The following PTGER4 variants were observed in gnomAD, a reference collection of about 807,000 sequenced individuals.
The protein encoded by PTGER4 is prostaglandin E2 receptor EP4 subtype.
PTGER4 carries 11 observed loss-of-function variants against 33.2 expected under a neutral mutation model. That is an observed-to-expected ratio of 0.33 (90% CI 0.21 to 0.55). PTGER4 has a LOEUF of 0.55. Among genes scored for constraint, PTGER4 ranks in the 20% least tolerant of loss-of-function variants. The pLI is 0.92. For synonymous variants in PTGER4, 275 were observed against 281.5 expected, an observed-to-expected ratio of 0.98 and a Z score of 0.23; for missense variants, 481 against 650.2, an observed-to-expected ratio of 0.74 and a Z score of 2.83.
chr5:40,726,156 T>C, the PTGER4 span, among the ~76,000 whole-genome samples: 1 of 106,482 alleles, frequency 9.4e-6, no homozygotes, highest in East Asian at 2.8e-4. Flanking sequence ...TATATATATA[T>C]ATATACACAC....
At position 40,681,653 on chromosome 5, in the gene PTGER4, C is replaced by A. The variant is rs1481026225; in HGVS notation, c.660C>A (p.Arg220=). Residue 220 remains arginine (R), a synonymous_variant, in exon 2 of 3, where the codon CGC becomes CGA. Transcript: ENST00000302472. The surrounding 1 kb of genome is among the most constrained non-coding windows in gnomAD (Gnocchi z 9.8). ...GCATGCACCGCCAGTTCATGCGCCG[C>A]ACCTCGCTGGGCACCGAGCAGCACC... ...LLRMHRQFMR[R]TSLGTEQHHA... is the part of the protein sequence containing the mutation. 2 of 1,595,954 alleles carry A rather than the reference C, an allele frequency of 1.3e-6. No homozygotes were observed. Among genetic ancestry groups the A allele is most frequent in the Non-Finnish European group, 1.7e-6 (2 of 1,176,566 alleles).
At chr5:40,737,351 C>T in the PTGER4 span, among the ~76,000 whole-genome samples, 1 of 150,614 alleles carries the variant, frequency 6.6e-6, no homozygotes, top group East Asian at 1.9e-4. Context: ...AGGTGATGCA[C>T]AAGAGTTACT....
chr5:40,730,190 T>A, the PTGER4 span: 1 of 1,160,754 alleles, frequency 8.6e-7, no homozygotes, highest in Non-Finnish European at 1.2e-6. Flanking sequence ...CTATTTTGCT[T>A]CATCATTGCT....
the PTGER4 span, among the ~76,000 whole-genome samples, chr5:40,742,518 G>C: frequency 6.6e-6 from 1 of 152,104 alleles, no homozygotes; most frequent in South Asian, 2.1e-4. Flanking sequence ...GCAGAACTAG[G>C]ATAAGAAACA....
the PTGER4 span, among the ~76,000 whole-genome samples, chr5:40,709,882 G>C: frequency 1.1e-3 from 172 of 152,348 alleles, 1 homozygote; most frequent in African/African-American, 4.0e-3. Flanking sequence ...TATGTAGAAA[G>C]CTGAAACTGG....
At chr5:40,741,478 T>A in the PTGER4 span, among the ~76,000 whole-genome samples, 5 of 152,210 alleles carry the variant, frequency 3.3e-5, no homozygotes, top group Non-Finnish European at 5.9e-5. Context: ...AATAGTTGCA[T>A]GGCCTAATGT....
chr5:40,681,358 A>G lies in PTGER4; in HGVS notation c.365A>G (p.Asn122Ser). ...AMSVERYLAINHAYFYSHYVD... is the reference protein window; with the variant it reads ...AMSVERYLAISHAYFYSHYVD... The stretch of plus-strand genomic sequence containing the variant: ...AGTGTCGAGCGCTACCTGGCCATCA[A>G]CCATGCCTATTTCTACAGCCACTAC... Residue 122 changes from asparagine to serine, a missense_variant, in exon 2 of 3, where the codon AAC (asparagine) becomes AGC (serine). Around this residue, in one of 7 missense-constraint regions of PTGER4, gnomAD observed 61 missense variants for 145.2 expected, o/e 0.42. Transcript: ENST00000302472. The surrounding 1 kb of genome is among the most constrained non-coding windows in gnomAD (Gnocchi z 9.8). The G allele has an allele frequency of 2.5e-6, 4 of 1,614,078 alleles. No homozygotes were observed. The highest frequency in any genetic ancestry group is 3.4e-6 in the Non-Finnish European group (4 of 1,180,006).
At chr5:40,737,753 C>A in the PTGER4 span, among the ~76,000 whole-genome samples, 1 of 152,220 alleles carries the variant, frequency 6.6e-6, no homozygotes, top group Non-Finnish European at 1.5e-5. Context: ...TCTACCCCAA[C>A]TGCTGACCCC....
chr5:40,714,062 A>AC, the PTGER4 span, among the ~76,000 whole-genome samples: 2 of 152,158 alleles, frequency 1.3e-5, no homozygotes, highest in African/African-American at 4.8e-5. Context: ...AACTTGGCCT[A>AC]CCATGCCAGT....
At chr5:40,703,838 G>A in the PTGER4 span, among the ~76,000 whole-genome samples, 8 of 140,196 alleles carry the variant, frequency 5.7e-5, no homozygotes, top group Non-Finnish European at 9.1e-5. Flanking sequence ...GGGAAGCGGA[G>A]GTTGCAGTGA....
At position 40,692,189 on chromosome 5, in the gene PTGER4, A is replaced by G. The variant is rs747797492; in HGVS notation, c.1278A>G (p.Glu426=). 4.3e-6 allele frequency: 7 copies of G among 1,614,244 alleles called. No homozygotes were observed. The highest frequency in any genetic ancestry group is 5.9e-6 in the Non-Finnish European group (7 of 1,180,038). Residue 426 remains glutamate (E), a synonymous_variant, in exon 3 of 3, where the codon GAA becomes GAG. Coordinates refer to ENST00000302472, the MANE Select transcript of PTGER4 (RefSeq NM_000958.3). ...PGVPGMGLAQ[E]DTTSLRTLRI... ...TGCCTGGCATGGGCCTGGCCCAGGA[A>G]GACACCACCTCACTGAGGACTTTGC...
chr5:40,729,361 C>T, the PTGER4 span, among the ~76,000 whole-genome samples: 1 of 152,124 alleles, frequency 6.6e-6, no homozygotes, highest in South Asian at 2.1e-4. Context: ...TGCAACAATT[C>T]CCTGCCAAAA....
chr5:40,738,436 A>AAAATT, the PTGER4 span, among the ~76,000 whole-genome samples: 1 of 65,144 alleles, frequency 1.5e-5, no homozygotes, highest in Non-Finnish European at 3.1e-5. Flanking sequence ...AAAATAAAAT[A>AAAATT]TAAAATAAAA....
chr5:40,697,222 G>GA (rs1436152810), downstream of PTGER4, among the ~76,000 whole-genome samples: 7 of 77,356 alleles, frequency 9.0e-5, no homozygotes, highest in South Asian at 1.9e-3. Flanking sequence ...GAAAAAGAAA[G>GA]AAGAAAAGAA....
chr5:40,681,638 C>A lies in PTGER4; in HGVS notation c.645C>A (p.Arg215=). The A allele has an allele frequency of 1.9e-6, 3 of 1,601,702 alleles. No homozygotes were observed. The highest frequency in any genetic ancestry group is 1.1e-5 in the South Asian group (1 of 90,758). The change falls in exon 2 of 3, where the codon CGC becomes CGA. Residue 215 remains arginine (R), a synonymous_variant. Transcript: ENST00000302472. The surrounding 1 kb of genome is among the most constrained non-coding windows in gnomAD (Gnocchi z 9.8). ...GCGGCGCGCTGCTCCGCATGCACCG[C>A]CAGTTCATGCGCCGCACCTCGCTGG... ...LVCGALLRMH[R]QFMRRTSLGT...
At chr5:40,728,267 T>A in the PTGER4 span, 1 of 535,460 alleles carries the variant, frequency 1.9e-6, no homozygotes, top group South Asian at 2.2e-5. Flanking sequence ...CTGGGTGACA[T>A]CAAGACTCCA....
the PTGER4 span, among the ~76,000 whole-genome samples, chr5:40,705,909 C>A: frequency 2.0e-5 from 3 of 152,160 alleles, no homozygotes; most frequent in African/African-American, 7.2e-5. Context: ...TTGTGGAAAG[C>A]AGTATGGTGA....
At chr5:40,720,887 C>A in the PTGER4 span, among the ~76,000 whole-genome samples, 1 of 152,286 alleles carries the variant, frequency 6.6e-6, no homozygotes, top group South Asian at 2.1e-4. Context: ...GTGTCCAATG[C>A]CCCAACTTCT....
At chr5:40,685,337 AG>A in intron 2 of PTGER4, 1 of 941,378 alleles carries the variant, frequency 1.1e-6, no homozygotes, top group Non-Finnish European at 1.3e-6. Context: ...GATCAGCAAA[AG>A]TTTATAAGGA....
Sources: allele counts gnomAD v4.1 joint callset (sites outside exome capture counted in the v4.1 genomes callset), GRCh38; gene constraint gnomAD v4.1.1; regional missense constraint gnomAD v4.1.1; non-coding constraint Gnocchi (gnomAD v3.1); transcripts MANE v1.5; gene names NCBI Gene and HGNC (gene_info 2026-07-23, HGNC 2026-07-21).